ZNF596: variants seen among roughly 807,000 people sequenced by gnomAD.
The protein encoded by ZNF596 is zinc finger protein 596.
A neutral mutation model predicts 48.3 loss-of-function variants in ZNF596; 45 were observed. The observed-to-expected ratio is 0.93, with a 90% CI of 0.73 to 1.19. The LOEUF (loss-of-function observed/expected upper bound fraction) is 1.19, where lower values mean the gene tolerates loss of function less well. ZNF596 is among the 50% of genes most tolerant of loss of function. ZNF596 has a pLI of 0.00. For synonymous variants in ZNF596, 270 were observed against 202.0 expected (o/e 1.34, Z -2.85); for missense variants, 848 against 599.7 (o/e 1.41, Z -4.32).
In ZNF596 at chr8:245,608, A is replaced by G. The variant is rs1172000532; in HGVS notation, c.761A>G (p.His254Arg). ...ACTGGAGAGAAGCCATATGGATGTCATCTATGTGGGAAAGCCTTCAGTAAA... is the reference window on the plus strand; with the variant it reads ...ACTGGAGAGAAGCCATATGGATGTCGTCTATGTGGGAAAGCCTTCAGTAAA... ...THTGEKPYGC[H>R]LCGKAFSKSS... The change falls in exon 6 of 6, where the codon CAT becomes CGT. Residue 254 changes from histidine (H) to arginine (R), a missense_variant. Physicochemically the swap from His to Arg is conservative, Grantham distance 29. Coordinates refer to ENST00000398612, the MANE Select transcript of ZNF596 (RefSeq NM_001042416.3). The G allele has an allele frequency of 2.5e-6, 4 of 1,613,996 alleles. No homozygotes were observed. Among genetic ancestry groups the G allele is most frequent in the Admixed American group, 3.3e-5 (2 of 60,018 alleles).
In ZNF596 at chr8:247,136, C is replaced by T. The variant is rs1217624060; in HGVS notation, c.*774C>T. The T allele has an allele frequency of 6.6e-6, 1 of 152,028 alleles. No homozygotes were observed. The allele number at this position is 152,028 out of a possible 1,614,324, so 9.4% of individuals were successfully genotyped here. ...AAAAAGTGAGACAGGGATGAAAACT[C>T]TAAAAAGCCATTGATGAGATGTATA... On this transcript the variant is annotated 3_prime_UTR_variant, in exon 6 of 6. Coordinates refer to ENST00000398612, the MANE Select transcript of ZNF596 (RefSeq NM_001042416.3).
At chr8:244,722 C>T (rs772724950) in intron 5 of ZNF596, 21 bp downstream of exon 5, 3 of 1,593,014 alleles carry the variant, frequency 1.9e-6, no homozygotes, top group African/African-American at 2.7e-5. Flanking sequence ...TGGATGCAAA[C>T]CCTGTTCTTA....
intron 1 of ZNF596, among the ~76,000 whole-genome samples, chr8:239,875 T>C (rs1190991256): frequency 1.3e-5 from 2 of 152,014 alleles, no homozygotes; most frequent in Admixed American, 6.5e-5. Context: ...CAAGTCATGG[T>C]CTTTCAGGTG....
chr8:240,120 A>G (rs1268374405), intron 1 of ZNF596, among the ~76,000 whole-genome samples: 1 of 152,196 alleles, frequency 6.6e-6, no homozygotes, highest in Non-Finnish European at 1.5e-5. Flanking sequence ...TACAACTAAC[A>G]ATGTCACATA....
At chr8:236,268 C>T (rs1796609185) in intron 1 of ZNF596, among the ~76,000 whole-genome samples, 1 of 152,112 alleles carries the variant, frequency 6.6e-6, no homozygotes, top group Non-Finnish European at 1.5e-5. Flanking sequence ...TCAGAATATT[C>T]ATAATAGTTT....
intron 4 of ZNF596, 146 bp from the exon 5 acceptor site, chr8:244,473 A>T: frequency 1.5e-6 from 1 of 663,214 alleles, no homozygotes; most frequent in South Asian, 1.8e-5. Flanking sequence ...ATGTGCTATA[A>T]TACTCTTCTC....
Position 246,007 on chromosome 8 carries a change from G to A in ZNF596, c.1160G>A (p.Gly387Glu). Residue 387 changes from glycine (G) to glutamate (E), a missense_variant, in exon 6 of 6, where the codon GGA becomes GAA. Transcript: ENST00000398612. ...AAACGACATGAGAGAATTCACACTG[G>A]AGAGAAACCATATGAGTGCCATGTA... ...VLKRHERIHT[G>E]EKPYECHVCG... 1 of 1,614,076 alleles carries A rather than the reference G, an allele frequency of 6.2e-7. No individual in the cohort carries two copies. Among genetic ancestry groups the A allele is most frequent in the Non-Finnish European group, 8.5e-7 (1 of 1,180,020 alleles).
intron 1 of ZNF596, among the ~76,000 whole-genome samples, chr8:239,523 T>G (rs1027119422): frequency 1.3e-5 from 2 of 152,210 alleles, no homozygotes; most frequent in Admixed American, 1.3e-4. Context: ...TTAGATTCAC[T>G]AGGGTTTAGC....
At chr8:234,180 C>T (rs916539229) in intron 1 of ZNF596, among the ~76,000 whole-genome samples, 1 of 152,154 alleles carries the variant, frequency 6.6e-6, no homozygotes, top group Non-Finnish European at 1.5e-5. Flanking sequence ...AAAGCCTTGC[C>T]CATTCTCACC....
At chr8:244,762 T>C (rs1796996711) in intron 5 of ZNF596, 61 bp downstream of exon 5, 14 of 1,415,424 alleles carry the variant, frequency 9.9e-6, no homozygotes, top group South Asian at 1.2e-5. Flanking sequence ...TAAACAACTT[T>C]GGAATTTGGT....
At chr8:239,044 G>A (rs1028111874) in intron 1 of ZNF596, among the ~76,000 whole-genome samples, 2 of 152,134 alleles carry the variant, frequency 1.3e-5, no homozygotes, top group Non-Finnish European at 2.9e-5. Flanking sequence ...TTCAAGAGCT[G>A]ACTTGATCAA....
chr8:246,462 T>G lies in ZNF596; in HGVS notation c.*100T>G. The G allele has an allele frequency of 6.9e-7, 1 of 1,440,462 alleles. No homozygotes were observed. The highest frequency in any genetic ancestry group is 9.2e-7 in the Non-Finnish European group (1 of 1,081,548). 89.2% of individuals were successfully genotyped at this position (1,440,462 alleles called of 1,614,324 possible). A position where few individuals can be genotyped will look rare whatever the true frequency, so the allele number is the denominator to read the frequency against. ...GTGTGGAAAAGCCTTTATTTATATTTACCACTTTGCTCAACCTAAATGAAT... is the reference window on the plus strand; with the variant it reads ...GTGTGGAAAAGCCTTTATTTATATTGACCACTTTGCTCAACCTAAATGAAT... On this transcript the variant is annotated 3_prime_UTR_variant, in exon 6 of 6. Transcript: ENST00000398612.
At chr8:242,101 C>G (rs964668863) in intron 2 of ZNF596, among the ~76,000 whole-genome samples, 6 of 152,112 alleles carry the variant, frequency 3.9e-5, no homozygotes, top group Non-Finnish European at 8.8e-5. Context: ...ACTATATCAC[C>G]TGGTGTTTGA....
chr8:234,354 G>C (rs1169194465), intron 1 of ZNF596: 1 of 152,228 alleles, frequency 6.6e-6, no homozygotes, highest in African/African-American at 2.4e-5. Context: ...CTGTTGGTCT[G>C]CATGTAGAGG....
rs780790121 is a variant in ZNF596, at chr8:245,281, G to T, written c.434G>T (p.Gly145Val). 2 of 1,613,894 alleles carry T rather than the reference G, an allele frequency of 1.2e-6. No individual in the cohort carries two copies. The highest frequency in any genetic ancestry group is 1.7e-6 in the Non-Finnish European group (2 of 1,179,996). Residue 145 changes from glycine (G) to valine (V), a missense_variant, in exon 6 of 6, where the codon GGG (glycine) becomes GTG (valine). Physicochemically the swap from Gly to Val is moderately radical, Grantham distance 109 (BLOSUM62 -3). Coordinates refer to ENST00000398612, the MANE Select transcript of ZNF596 (RefSeq NM_001042416.3). ...AAACACTTTGTAAGCAAAAAGTTTG[G>T]GAAAATCTTCAGTGACTGGTTATCC... is the stretch of plus-strand genomic sequence containing the variant. Reference protein sequence around the residue: ...RTKHFVSKKFGKIFSDWLSFN... With the variant: ...RTKHFVSKKFVKIFSDWLSFN...
intron 1 of ZNF596, chr8:233,429 G>A (rs756677200): frequency 1.5e-4 from 42 of 279,752 alleles, no homozygotes; most frequent in Non-Finnish European, 2.9e-4. Flanking sequence ...AATACTTTTT[G>A]TTTACTAAAT....
intron 1 of ZNF596, 110 bp from the exon 2 acceptor site, chr8:240,714 C>T: frequency 1.5e-6 from 1 of 672,498 alleles, no homozygotes; most frequent in Non-Finnish European, 2.7e-6. Context: ...CCACCCCCTA[C>T]CCACTGCATG....
chr8:240,663 C>G (rs896100821), intron 1 of ZNF596, 161 bp from the exon 2 acceptor site: 3 of 552,742 alleles, frequency 5.4e-6, no homozygotes, highest in East Asian at 5.7e-5. Context: ...CAGCAATAGT[C>G]ATTTCTTCTG....
At chr8:237,183 C>G (rs1796651412) in intron 1 of ZNF596, 1 of 152,058 alleles carries the variant, frequency 6.6e-6, no homozygotes, top group African/African-American at 2.4e-5. Flanking sequence ...TAAATAAATA[C>G]AGTCTCTTTT....
Sources: gnomAD v4.1 joint callset for allele counts (sites outside exome capture counted in the v4.1 genomes callset) on GRCh38, gnomAD v4.1.1 for gene constraint, MANE v1.5 for transcripts, NCBI Gene and HGNC (gene_info 2026-07-23, HGNC 2026-07-21) for gene names.